CDCA8: variants seen among roughly 807,000 people sequenced by gnomAD.
CDCA8 encodes cell division cycle associated 8.
A neutral mutation model predicts 40.0 loss-of-function variants in CDCA8; 25 were observed. That is an observed-to-expected ratio of 0.63 (90% CI 0.46 to 0.87). CDCA8 has a LOEUF of 0.87. Ranked by LOEUF, CDCA8 falls within the 40% of genes least tolerant of loss-of-function variation. The probability of loss-of-function intolerance (pLI) is 0.00; values close to 1 mark genes in which losing one functional copy is unlikely to be tolerated. For synonymous variants in CDCA8, 111 were observed against 126.5 expected (o/e 0.88, Z 0.82); for missense variants, 280 against 348.4 (o/e 0.80, Z 1.56).
intron 2 of CDCA8, among the ~76,000 whole-genome samples, chr1:37,695,501 G>A (rs1418032225): frequency 6.6e-6 from 1 of 152,052 alleles, no homozygotes; most frequent in Non-Finnish European, 1.5e-5. Flanking sequence ...GCCAAGGTGG[G>A]AGGATCAGTT....
intron 7 of CDCA8, among the ~76,000 whole-genome samples, chr1:37,704,896 C>CA (rs931701943): frequency 2.0e-5 from 3 of 152,128 alleles, no homozygotes; most frequent in Non-Finnish European, 4.4e-5. Context: ...GATCCACCCC[C>CA]CTCGGCCTCC....
At chr1:37,703,444 G>A (rs974632042) in intron 7 of CDCA8, 97 bp downstream of exon 7, 11 of 897,496 alleles carry the variant, frequency 1.2e-5, no homozygotes, top group South Asian at 1.1e-4. Flanking sequence ...GGCCAGGCAC[G>A]GTAGCTCACG....
rs71701232 is a variant in CDCA8 at position 37,701,673 on chromosome 1, T to TAAA, written c.424-67_424-65dup. The TAAA allele has an allele frequency of 4.2e-3, 2,719 of 647,696 alleles. 23 individuals carry two copies. The highest frequency in any genetic ancestry group is 0.033 in the African/African-American group (1,592 of 48,218). 40.1% of individuals were successfully genotyped at this position (647,696 alleles called of 1,614,324 possible). ...TATCCAAAGCTTGTTCTTAATGCTT[T>TAAA]AAAAAAAAAAAAAAAACCCTCCTTA... On this transcript the variant is annotated intron_variant, in intron 5 of 9. Transcript: ENST00000373055.
chr1:37,707,125 T>G (rs1406237882), intron 9 of CDCA8, 61 bp downstream of exon 9: 1 of 1,229,040 alleles, frequency 8.1e-7, no homozygotes, highest in African/African-American at 1.5e-5. Flanking sequence ...GGGCTACCTT[T>G]ATTTAGGATT....
In CDCA8 at chr1:37,696,061, T is replaced by C. The variant is rs1645524652; in HGVS notation, c.264+111T>C. On this transcript the variant is annotated intron_variant, in intron 3 of 9. Coordinates refer to ENST00000373055, the MANE Select transcript of CDCA8 (RefSeq NM_001256875.2). The surrounding 1 kb of genome is among the most constrained non-coding windows in gnomAD (Gnocchi z 5.0). ...AGAGGTTTCATAAAGGGACATCATC[T>C]GTTTGTGTCAACTGAAAAATTAGAG... The C allele has an allele frequency of 6.5e-6, 6 of 919,438 alleles. No individual in the cohort carries two copies. The Admixed American group carries it at 1.3e-4, about 20-fold the overall frequency. 57.0% of individuals were successfully genotyped at this position (919,438 alleles called of 1,614,324 possible). A position where few individuals can be genotyped will look rare whatever the true frequency, so the allele number is the denominator to read the frequency against.
chr1:37,693,053 C>T lies in CDCA8; in HGVS notation c.223+20C>T. ...ACTTCGGTAAGAGCTGGAGAGCTTCCCTGGGCGGAGGCCAGGAGCCCCTTG... is the reference window on the plus strand; with the variant it reads ...ACTTCGGTAAGAGCTGGAGAGCTTCTCTGGGCGGAGGCCAGGAGCCCCTTG... On this transcript the variant is annotated intron_variant, in intron 2 of 9. Coordinates refer to ENST00000373055, the MANE Select transcript of CDCA8 (RefSeq NM_001256875.2). 6.2e-7 allele frequency: 1 copy of T among 1,612,188 alleles called. No homozygotes were observed. The highest frequency in any genetic ancestry group is 2.2e-5 in the East Asian group (1 of 44,868).
chr1:37,692,635 A>G lies in CDCA8; in HGVS notation c.-56A>G. 7.1e-7 allele frequency: 1 copy of G among 1,400,844 alleles called. No individual in the cohort carries two copies. The highest frequency in any genetic ancestry group is 1.8e-5 in the Admixed American group (1 of 55,122). 86.8% of individuals were successfully genotyped at this position (1,400,844 alleles called of 1,614,324 possible). On this transcript the variant is annotated 5_prime_UTR_variant, in exon 1 of 10. Coordinates refer to ENST00000373055, the MANE Select transcript of CDCA8 (RefSeq NM_001256875.2). ...CCGTCCGCCCTCCTCGTCCCTACCCAGTTTCTTGCTTCCCTGCCCCATCTC... is the reference window on the plus strand; with the variant it reads ...CCGTCCGCCCTCCTCGTCCCTACCCGGTTTCTTGCTTCCCTGCCCCATCTC...
intron 2 of CDCA8, among the ~76,000 whole-genome samples, chr1:37,695,368 TAAAAAAAAAA>T (rs71690196): frequency 1.7e-4 from 13 of 76,474 alleles, no homozygotes; most frequent in Non-Finnish European, 2.6e-4. Flanking sequence ...CATCTCTACT[TAAAAAAAAAA>T]AAAAAAAAAA....
At chr1:37,706,355 ACCT>A (rs1450570661) in intron 8 of CDCA8, among the ~76,000 whole-genome samples, 1 of 151,174 alleles carries the variant, frequency 6.6e-6, no homozygotes, top group Non-Finnish European at 1.5e-5. Flanking sequence ...TGATCCACAC[ACCT>A]CAGCCTCCCA....
At position 37,707,518 on chromosome 1, in the gene CDCA8, C is replaced by T. The variant is rs112696500; in HGVS notation, c.798+454C>T. Among the ~76,000 whole-genome samples the T allele has an allele frequency of 5.9e-3, 894 of 152,324 alleles. 14 individuals are homozygous for T. The highest frequency in any genetic ancestry group is 0.01 in the Middle Eastern group (3 of 294). ...TCATTTCTCTCACACATCTTCATTC[C>T]TCCCTCAGCAGATAACCTTCTCCAC... On this transcript the variant is annotated intron_variant, in intron 9 of 9. Coordinates refer to ENST00000373055, the MANE Select transcript of CDCA8 (RefSeq NM_001256875.2).
chr1:37,695,866 T>C, intron 2 of CDCA8, 44 bp from the exon 3 acceptor site: 1 of 1,577,780 alleles, frequency 6.3e-7, no homozygotes, highest in Non-Finnish European at 8.7e-7. Context: ...GGCAAGATGA[T>C]TTATTGTTAA....
intron 5 of CDCA8, 61 bp from the exon 6 acceptor site, chr1:37,701,691 CCT>C: frequency 9.5e-7 from 1 of 1,048,822 alleles, no homozygotes; most frequent in Non-Finnish European, 1.4e-6. Context: ...AAAAAAAAAC[CCT>C]CCTTACCTTC....
At chr1:37,699,016 C>T in intron 4 of CDCA8, 39 bp downstream of exon 4, 2 of 1,446,952 alleles carry the variant, frequency 1.4e-6, no homozygotes, top group East Asian at 2.3e-5. Context: ...ACAGAAAGAA[C>T]TGAGGCTCAG....
At chr1:37,695,800 C>A in intron 2 of CDCA8, 110 bp from the exon 3 acceptor site, 1 of 830,392 alleles carries the variant, frequency 1.2e-6, no homozygotes. Context: ...TGGTGAAGGT[C>A]CTTGAAGGTT....
intron 2 of CDCA8, among the ~76,000 whole-genome samples, chr1:37,693,315 G>C (rs1645490915): frequency 6.6e-6 from 1 of 152,140 alleles, no homozygotes; most frequent in East Asian, 1.9e-4. Flanking sequence ...GGGCATGGAT[G>C]GGCTGTATTC....
At chr1:37,698,505 TAAG>T (rs1002095153) in intron 3 of CDCA8, among the ~76,000 whole-genome samples, 1 of 152,204 alleles carries the variant, frequency 6.6e-6, no homozygotes, top group Non-Finnish European at 1.5e-5. Context: ...ACAAAATGCT[TAAG>T]TACACACTTG....
At chr1:37,692,864 C>T in intron 1 of CDCA8, 41 bp from the exon 2 acceptor site, 1 of 1,613,094 alleles carries the variant, frequency 6.2e-7, no homozygotes, top group Non-Finnish European at 8.5e-7. Flanking sequence ...ACAGATTCGC[C>T]CGCCCGTGAC....
intron 8 of CDCA8, 82 bp downstream of exon 8, chr1:37,705,649 C>A: frequency 6.5e-7 from 1 of 1,534,344 alleles, no homozygotes; most frequent in South Asian, 1.2e-5. Flanking sequence ...ACCCACGCTT[C>A]ACCCTCAGAG....
At chr1:37,695,368 TAAAAAAAA>T (rs71690196) in intron 2 of CDCA8, among the ~76,000 whole-genome samples, 4 of 76,474 alleles carry the variant, frequency 5.2e-5, no homozygotes, top group African/African-American at 1.0e-4. Context: ...CATCTCTACT[TAAAAAAAA>T]AAAAAAAAAA....
Sources: gnomAD v4.1 joint callset for allele counts (sites outside exome capture counted in the v4.1 genomes callset) on GRCh38, gnomAD v4.1.1 for gene constraint, Gnocchi (gnomAD v3.1) non-coding constraint, MANE v1.5 for transcripts, NCBI Gene and HGNC (gene_info 2026-07-23, HGNC 2026-07-21) for gene names.